ADARB2: variants seen among roughly 807,000 people sequenced by gnomAD.
ADARB2 encodes inactive double-stranded RNA-specific editase B2.
ADARB2 carries 25 observed loss-of-function variants against 62.2 expected under a neutral mutation model. The observed-to-expected ratio is 0.40, with a 90% confidence interval of 0.29 to 0.56. The LOEUF is 0.56. Ranked by LOEUF, ADARB2 falls within the 20% of genes least tolerant of loss-of-function variation. The probability of loss-of-function intolerance (pLI) is 0.43; values close to 1 mark genes in which losing one functional copy is unlikely to be tolerated. For synonymous variants in ADARB2, 572 were observed against 500.8 expected, an observed-to-expected ratio of 1.14 and a Z score of -1.90; for missense variants, 1,071 against 1,077.4, an observed-to-expected ratio of 0.99 and a Z score of 0.08.
intron 1 of ADARB2, among the ~76,000 whole-genome samples, chr10:1,458,109 A>G (rs1831119931): frequency 6.6e-6 from 1 of 152,158 alleles, no homozygotes; most frequent in Non-Finnish European, 1.5e-5. Context: ...TCCCAGACGC[A>G]TCGTCACACT....
intron 1 of ADARB2, among the ~76,000 whole-genome samples, chr10:1,655,976 C>T (rs1055961267): frequency 1.3e-4 from 20 of 152,092 alleles, no homozygotes; most frequent in African/African-American, 4.8e-4. Flanking sequence ...GTGAGGTGTG[C>T]CCACACACCT....
chr10:1,636,377 C>A (rs10794774), intron 1 of ADARB2, among the ~76,000 whole-genome samples: 1 of 151,908 alleles, frequency 6.6e-6, no homozygotes, highest in African/African-American at 2.4e-5. Context: ...ATTAACCAGA[C>A]ATGGTAGTGT....
At chr10:1,394,959 C>T (rs1342332895) in intron 1 of ADARB2, 2 of 455,072 alleles carry the variant, frequency 4.4e-6, no homozygotes, top group Non-Finnish European at 8.8e-6. Context: ...CTTGCTCTGT[C>T]CCCAGGCTGG....
chr10:1,465,919 G>C (rs1283413248), intron 1 of ADARB2, among the ~76,000 whole-genome samples: 1 of 152,224 alleles, frequency 6.6e-6, no homozygotes, highest in Admixed American at 6.5e-5. Flanking sequence ...AGTTTGCAGA[G>C]GGTTCTTTCT....
chr10:1,329,770 G>A (rs1393460939), intron 3 of ADARB2, among the ~76,000 whole-genome samples: 1 of 152,118 alleles, frequency 6.6e-6, no homozygotes, highest in East Asian at 1.9e-4. Context: ...TGGGGGCTTG[G>A]TTTGTTCTGG....
chr10:1,507,577 C>T (rs944529359), intron 1 of ADARB2, among the ~76,000 whole-genome samples: 1 of 152,312 alleles, frequency 6.6e-6, no homozygotes, highest in Admixed American at 6.5e-5. Context: ...TTACCCTCGA[C>T]CAGGTGGCAG....
intron 1 of ADARB2, among the ~76,000 whole-genome samples, chr10:1,500,497 G>A (rs773425045): frequency 1.3e-5 from 2 of 152,188 alleles, no homozygotes; most frequent in African/African-American, 2.4e-5. Flanking sequence ...ATACTTCTAG[G>A]TTGATTCTAA....
At chr10:1,270,844 T>C (rs1335653129) in intron 4 of ADARB2, 111 bp downstream of exon 4, 5 of 905,040 alleles carry the variant, frequency 5.5e-6, no homozygotes, top group Non-Finnish European at 8.6e-6. Flanking sequence ...TGTCTTTCTT[T>C]GTCACAGCCT....
At chr10:1,427,306 A>G (rs1215744473) in intron 1 of ADARB2, among the ~76,000 whole-genome samples, 2 of 152,260 alleles carry the variant, frequency 1.3e-5, no homozygotes. Context: ...AGATTAAGAT[A>G]AAGTATTTGC....
chr10:1,265,867 G>A (rs1251834750), intron 4 of ADARB2, among the ~76,000 whole-genome samples: 127 of 116,232 alleles, frequency 1.1e-3, no homozygotes, highest in African/African-American at 4.1e-3. Flanking sequence ...ACGCTCCCCC[G>A]GAAGACGGCC....
chr10:1,661,934 T>G (rs983630844), intron 1 of ADARB2, among the ~76,000 whole-genome samples: 1 of 152,068 alleles, frequency 6.6e-6, no homozygotes, highest in African/African-American at 2.4e-5. Context: ...TAAATCAGGC[T>G]GAAGAAAGGG....
chr10:1,599,916 T>G (rs1289137834), intron 1 of ADARB2, among the ~76,000 whole-genome samples: 1 of 152,054 alleles, frequency 6.6e-6, no homozygotes, highest in Non-Finnish European at 1.5e-5. Context: ...CTAATTTTTG[T>G]ATTTTTTTTC....
chr10:1,411,421 GT>G (rs1260485530), intron 1 of ADARB2, among the ~76,000 whole-genome samples: 1 of 152,254 alleles, frequency 6.6e-6, no homozygotes, highest in Non-Finnish European at 1.5e-5. Context: ...CCAGTGGGAG[GT>G]TCAGGAGAAA....
chr10:1,491,457 AG>A (rs1404657437), intron 1 of ADARB2, among the ~76,000 whole-genome samples: 1 of 152,216 alleles, frequency 6.6e-6, no homozygotes, highest in Non-Finnish European at 1.5e-5. Context: ...GTGTGCCTAC[AG>A]AATGTTAAGA....
chr10:1,536,311 A>G (rs952457820), intron 1 of ADARB2, among the ~76,000 whole-genome samples: 13 of 152,238 alleles, frequency 8.5e-5, no homozygotes, highest in Non-Finnish European at 1.9e-4. Context: ...AGGGGCCTTC[A>G]TGGCAATCCT....
chr10:1,562,729 C>G (rs1443534526), intron 1 of ADARB2, among the ~76,000 whole-genome samples: 1 of 152,238 alleles, frequency 6.6e-6, no homozygotes, highest in South Asian at 2.1e-4. Flanking sequence ...ACCAGCCTGC[C>G]ATGATGGGCA....
rs1050015143 is a variant in ADARB2, at chr10:1,257,762, T to A, written c.1192+13193A>T. On this transcript the variant is annotated intron_variant, in intron 4 of 9. Transcript: ENST00000381312. The stretch of plus-strand genomic sequence containing the variant: ...ACCCCCAGGTTCCAACGTGGATGTG[T>A]CTGGAACAGCACCAAAGGTTCCTCC... Among the ~76,000 whole-genome samples, 5 of 152,180 alleles carry A rather than the reference T, an allele frequency of 3.3e-5. No homozygotes were observed. The East Asian group carries it at 5.8e-4, about 18-fold the overall frequency.
chr10:1,589,570 C>T (rs372879089), intron 1 of ADARB2, among the ~76,000 whole-genome samples: 2 of 152,230 alleles, frequency 1.3e-5, no homozygotes, highest in East Asian at 3.8e-4. Flanking sequence ...CCATGGGCCC[C>T]GCCTCTTTGG....
chr10:1,226,342 C>T (rs1156951179), intron 6 of ADARB2, among the ~76,000 whole-genome samples: 1 of 152,182 alleles, frequency 6.6e-6, no homozygotes, highest in Non-Finnish European at 1.5e-5. Context: ...AACTTCTTTG[C>T]CATTGGTTCG....
Sources: allele counts gnomAD v4.1 joint callset (sites outside exome capture counted in the v4.1 genomes callset), GRCh38; gene constraint gnomAD v4.1.1; transcripts MANE v1.5; gene names NCBI Gene and HGNC (gene_info 2026-07-23, HGNC 2026-07-21).